ENTREP2: variants seen among roughly 807,000 people sequenced by gnomAD.
The protein encoded by ENTREP2 is endosomal transmembrane epsin interactor 2, also known as protein ENTREP2.
the ENTREP2 span, among the ~76,000 whole-genome samples, chr15:29,334,473 A>G: frequency 1.3e-5 from 2 of 152,204 alleles, no homozygotes; most frequent in African/African-American, 2.4e-5. Context: ...TCTGAAAGGC[A>G]TGTTTTCATA....
the ENTREP2 span, among the ~76,000 whole-genome samples, chr15:29,410,204 ATTTCC>A: frequency 6.6e-6 from 1 of 152,006 alleles, no homozygotes; most frequent in African/African-American, 2.4e-5. Flanking sequence ...TGCATTGATA[ATTTCC>A]TTTCCTTTCT....
the ENTREP2 span, among the ~76,000 whole-genome samples, chr15:29,533,278 A>G: frequency 6.6e-6 from 1 of 152,086 alleles, no homozygotes; most frequent in Non-Finnish European, 1.5e-5. Context: ...TCTCCAGAAA[A>G]TGTCCAGTCA....
the ENTREP2 span, among the ~76,000 whole-genome samples, chr15:29,583,815 C>T: frequency 6.6e-6 from 1 of 152,132 alleles, no homozygotes; most frequent in South Asian, 2.1e-4. Flanking sequence ...ATGGTGAGCA[C>T]TGATATATTG....
At chr15:29,125,969 G>A in the ENTREP2 span, among the ~76,000 whole-genome samples, 1 of 152,182 alleles carries the variant, frequency 6.6e-6, no homozygotes, top group Non-Finnish European at 1.5e-5. Context: ...CCAGACTCTA[G>A]GCCTTTTCTG....
chr15:29,413,387 T>A, the ENTREP2 span, among the ~76,000 whole-genome samples: 5 of 152,214 alleles, frequency 3.3e-5, no homozygotes, highest in Admixed American at 6.5e-5. Flanking sequence ...ACCTCCATTT[T>A]TATGTGTTTT....
At chr15:29,450,165 T>C in the ENTREP2 span, among the ~76,000 whole-genome samples, 3 of 152,178 alleles carry the variant, frequency 2.0e-5, no homozygotes, top group African/African-American at 4.8e-5. Flanking sequence ...GTCAGATGCA[T>C]AGTTTGCAAA....
the ENTREP2 span, among the ~76,000 whole-genome samples, chr15:29,270,399 G>A: frequency 1.3e-5 from 2 of 149,964 alleles, no homozygotes; most frequent in African/African-American, 5.1e-5. Context: ...AACTCCTTTA[G>A]CTAGACAACT....
At chr15:29,219,048 C>T in the ENTREP2 span, among the ~76,000 whole-genome samples, 1 of 151,960 alleles carries the variant, frequency 6.6e-6, no homozygotes, top group Non-Finnish European at 1.5e-5. Context: ...AACATCTTCA[C>T]AATCTATACA....
chr15:29,401,212 T>C, the ENTREP2 span, among the ~76,000 whole-genome samples: 2 of 142,704 alleles, frequency 1.4e-5, no homozygotes, highest in Non-Finnish European at 1.6e-5. Flanking sequence ...AACACATTTA[T>C]GGTTAAAAAA....
chr15:29,644,980 G>A, the ENTREP2 span, among the ~76,000 whole-genome samples: 1 of 152,138 alleles, frequency 6.6e-6, no homozygotes. Flanking sequence ...TCTTTGGGAG[G>A]CCAAGGCAAG....
At chr15:29,176,857 G>A in the ENTREP2 span, among the ~76,000 whole-genome samples, 2 of 152,200 alleles carry the variant, frequency 1.3e-5, no homozygotes, top group African/African-American at 4.8e-5. Flanking sequence ...CTCTGCCCAG[G>A]TTGGTGTCTG....
chr15:29,300,398 A>AATGGATGG, the ENTREP2 span, among the ~76,000 whole-genome samples: 1,292 of 129,026 alleles, frequency 0.01, 14 homozygotes, highest in African/African-American at 0.022. Flanking sequence ...TAGATGGATA[A>AATGGATGG]ATGGATGGAT....
chr15:29,359,785 C>A, the ENTREP2 span, among the ~76,000 whole-genome samples: 1 of 152,192 alleles, frequency 6.6e-6, no homozygotes, highest in Admixed American at 6.5e-5. Context: ...ACCTTTGAGT[C>A]TTCCTTCCCT....
the ENTREP2 span, among the ~76,000 whole-genome samples, chr15:29,530,280 G>C: frequency 6.6e-6 from 1 of 152,174 alleles, no homozygotes; most frequent in African/African-American, 2.4e-5. Context: ...CTGGGAATCT[G>C]TGCGGGTGCT....
the ENTREP2 span, among the ~76,000 whole-genome samples, chr15:29,418,794 A>T: frequency 1.3e-5 from 2 of 152,190 alleles, no homozygotes; most frequent in Non-Finnish European, 1.5e-5. Flanking sequence ...AAGTGTTCCA[A>T]TTCTGGGCAC....
chr15:29,534,795 G>A, the ENTREP2 span, among the ~76,000 whole-genome samples: 1 of 152,138 alleles, frequency 6.6e-6, no homozygotes, highest in Non-Finnish European at 1.5e-5. Flanking sequence ...CAGGCACAAA[G>A]TTTTCACTGG....
the ENTREP2 span, chr15:29,124,751 A>C: frequency 2.6e-6 from 4 of 1,550,490 alleles, no homozygotes; most frequent in African/African-American, 5.5e-5. Flanking sequence ...GCCTGTGTGA[A>C]GAGGCATCGC....
At chr15:29,120,421 A>C in the ENTREP2 span, 1 of 152,298 alleles carries the variant, frequency 6.6e-6, no homozygotes, top group Admixed American at 6.5e-5. Context: ...GGTGGGGAGA[A>C]GCATGTGTGT....
chr15:29,584,582 T>G, the ENTREP2 span, among the ~76,000 whole-genome samples: 1 of 152,028 alleles, frequency 6.6e-6, no homozygotes, highest in Admixed American at 6.6e-5. Flanking sequence ...GGACAAACAG[T>G]GTATGATCTC....
Sources: gnomAD v4.1 joint callset for allele counts (sites outside exome capture counted in the v4.1 genomes callset) on GRCh38, gnomAD v4.1.1 for gene constraint, MANE v1.5 for transcripts, NCBI Gene and HGNC (gene_info 2026-07-23, HGNC 2026-07-21) for gene names.